Variants in NXPE2 observed in about 807,000 individuals in gnomAD.
NXPE2 encodes NXPE family member 2.
NXPE2 carries 34 observed loss-of-function variants against 34.4 expected under a neutral mutation model. The observed-to-expected ratio is 0.99, with a 90% CI of 0.75 to 1.31. The LOEUF (loss-of-function observed/expected upper bound fraction) is 1.31, where lower values mean the gene tolerates loss of function less well. NXPE2 is among the 40% of genes most tolerant of loss of function. The probability of loss-of-function intolerance (pLI) is 0.00; values close to 1 mark genes in which losing one functional copy is unlikely to be tolerated. For synonymous variants in NXPE2, 235 were observed against 231.3 expected (o/e 1.02, Z -0.15); for missense variants, 649 against 672.5 (o/e 0.97, Z 0.39).
the NXPE2 span, among the ~76,000 whole-genome samples, chr11:114,637,887 G>C: frequency 6.6e-6 from 1 of 151,962 alleles, no homozygotes; most frequent in African/African-American, 2.4e-5. Context: ...CTCTCTGGCT[G>C]CCCTTAACAT....
the NXPE2 span, among the ~76,000 whole-genome samples, chr11:114,811,076 A>G: frequency 6.6e-6 from 1 of 151,742 alleles, no homozygotes; most frequent in African/African-American, 2.4e-5. Context: ...TCAGCAAACT[A>G]TCACAAGGAC....
chr11:114,792,281 T>G, the NXPE2 span, among the ~76,000 whole-genome samples: 1 of 152,174 alleles, frequency 6.6e-6, no homozygotes, highest in Admixed American at 6.5e-5. Flanking sequence ...TTTATCATAA[T>G]GATTGCTGAT....
chr11:114,575,162 C>T, the NXPE2 span, among the ~76,000 whole-genome samples: 1 of 152,148 alleles, frequency 6.6e-6, no homozygotes, highest in East Asian at 1.9e-4. Flanking sequence ...TTAAAACCCT[C>T]AGCAAAATCA....
At chr11:114,531,005 A>G in the NXPE2 span, 1 of 1,250,792 alleles carries the variant, frequency 8.0e-7, no homozygotes, top group Non-Finnish European at 1.1e-6. Context: ...GAATATTTGT[A>G]TAATTGAATT....
the NXPE2 span, among the ~76,000 whole-genome samples, chr11:114,795,499 T>C: frequency 6.6e-6 from 1 of 152,184 alleles, no homozygotes; most frequent in African/African-American, 2.4e-5. Flanking sequence ...TGATACCCAG[T>C]TTCCAACTTT....
At chr11:114,802,621 T>G in the NXPE2 span, among the ~76,000 whole-genome samples, 798 of 152,300 alleles carry the variant, frequency 5.2e-3, 3 homozygotes, top group Middle Eastern at 0.01. Flanking sequence ...TCTTTTATTT[T>G]TTTTAATAAT....
chr11:114,627,346 G>T, the NXPE2 span, among the ~76,000 whole-genome samples: 2 of 152,072 alleles, frequency 1.3e-5, no homozygotes, highest in Non-Finnish European at 2.9e-5. Context: ...CAAGCCAGAA[G>T]AGAGTGGGGA....
chr11:114,695,888 C>T (rs968755707), intron 2 of NXPE2, among the ~76,000 whole-genome samples: 31 of 142,066 alleles, frequency 2.2e-4, no homozygotes, highest in South Asian at 9.1e-4. Flanking sequence ...TGTGGTGGGG[C>T]GCACCTGTAA....
At chr11:114,789,510 G>A in the NXPE2 span, among the ~76,000 whole-genome samples, 28 of 152,300 alleles carry the variant, frequency 1.8e-4, no homozygotes, top group Non-Finnish European at 3.5e-4. Flanking sequence ...ACACAGCTTT[G>A]TACCAGGCAC....
At chr11:114,512,969 G>A in the NXPE2 span, 1 of 342,184 alleles carries the variant, frequency 2.9e-6, no homozygotes, top group African/African-American at 2.2e-5. Flanking sequence ...CAGTGTTGGT[G>A]TCTCGCCCTC....
chr11:114,787,678 A>G, the NXPE2 span, among the ~76,000 whole-genome samples: 1 of 152,280 alleles, frequency 6.6e-6, no homozygotes, highest in East Asian at 1.9e-4. Context: ...TTTGAAAAAA[A>G]GTTTAATTAG....
At chr11:114,513,751 A>G in the NXPE2 span, among the ~76,000 whole-genome samples, 1 of 152,362 alleles carries the variant, frequency 6.6e-6, no homozygotes, top group East Asian at 1.9e-4. Context: ...AAATGGTTAC[A>G]ATAGCAAATT....
At chr11:114,697,939 T>A in intron 2 of NXPE2, 106 bp from the exon 3 acceptor site, 1 of 1,121,800 alleles carries the variant, frequency 8.9e-7, no homozygotes, top group Non-Finnish European at 1.2e-6. Flanking sequence ...TTTTTGATAT[T>A]TAATTTATCA....
the NXPE2 span, among the ~76,000 whole-genome samples, chr11:114,576,714 A>C: frequency 1.3e-5 from 2 of 151,992 alleles, no homozygotes; most frequent in Admixed American, 6.6e-5. Context: ...TGCAGTAAAA[A>C]GGGAACACTT....
At chr11:114,578,946 A>G in the NXPE2 span, among the ~76,000 whole-genome samples, 3 of 152,196 alleles carry the variant, frequency 2.0e-5, no homozygotes, top group Non-Finnish European at 4.4e-5. Context: ...AACACTTTAT[A>G]TCCATTACTT....
the NXPE2 span, among the ~76,000 whole-genome samples, chr11:114,532,527 C>T: frequency 6.6e-6 from 1 of 152,096 alleles, no homozygotes; most frequent in East Asian, 1.9e-4. Context: ...CCACAAGTCA[C>T]AGGCTGAGAT....
In NXPE2 at chr11:114,678,590, A is replaced by G; in HGVS notation, c.15A>G (p.Ile5Met). 6.5e-7 allele frequency: 1 copy of G among 1,549,130 alleles called. No individual in the cohort carries two copies. Among genetic ancestry groups the G allele is most frequent in the Non-Finnish European group, 8.7e-7 (1 of 1,144,654 alleles). MVEK[I>M]LIHRILTLFP... Reference sequence around the variant, plus strand: ...AACACGAGAAGATGGTGGAGAAAATACTCATCCATAGGTGTGGTACTTTCC... The same window carrying G: ...AACACGAGAAGATGGTGGAGAAAATGCTCATCCATAGGTGTGGTACTTTCC... The change falls in exon 1 of 6, where the codon ATA (isoleucine) becomes ATG (methionine). Residue 5 changes from isoleucine to methionine, a missense_variant. By Grantham distance (10) the Ile-to-Met change is conservative (BLOSUM62 1). Transcript: ENST00000389586.
the NXPE2 span, among the ~76,000 whole-genome samples, chr11:114,610,105 G>A: frequency 1.3e-5 from 2 of 151,714 alleles, no homozygotes; most frequent in Non-Finnish European, 2.9e-5. Flanking sequence ...AATAAGTGTT[G>A]TCTTGTGGGT....
chr11:114,630,388 T>C, the NXPE2 span, among the ~76,000 whole-genome samples: 2 of 151,764 alleles, frequency 1.3e-5, no homozygotes, highest in Non-Finnish European at 2.9e-5. Context: ...AACTATCTGA[T>C]CTTTGAGAAA....
Sources: gnomAD v4.1 joint callset for allele counts (sites outside exome capture counted in the v4.1 genomes callset) on GRCh38, gnomAD v4.1.1 for gene constraint, MANE v1.5 for transcripts, NCBI Gene and HGNC (gene_info 2026-07-23, HGNC 2026-07-21) for gene names.